The following ZC3H11A variants were observed in gnomAD, a reference collection of about 807,000 sequenced individuals.
The protein encoded by ZC3H11A is zinc finger CCCH-type containing 11A, also known as zinc finger CCCH domain-containing protein 11A.
ZC3H11A carries 22 observed loss-of-function variants against 90.8 expected under a neutral mutation model. The ratio of observed to expected loss-of-function variants is 0.24; its 90% CI spans 0.17 to 0.35. The LOEUF is 0.35. Among genes scored for constraint, ZC3H11A ranks in the 10% least tolerant of loss-of-function variants. The pLI, the probability that ZC3H11A is intolerant of heterozygous loss-of-function variation, is 1.00. For missense variants in ZC3H11A, 701 were observed against 964.9 expected, an observed-to-expected ratio of 0.73 and a Z score of 3.62; for synonymous variants, 294 against 339.8, an observed-to-expected ratio of 0.87 and a Z score of 1.48.
rs552624692 is a variant in ZC3H11A at position 203,835,949 on chromosome 1, A to G, written c.875-2017A>G. On this transcript the variant is annotated intron_variant, in intron 10 of 17. Coordinates refer to ENST00000367210, the MANE Select transcript of ZC3H11A (RefSeq NM_001376342.1). ...GAAGTCCTGTTCCCAGGAGGCCTCC[A>G]CAGGATCCAAGATGGTGGGGAGAGC... is the stretch of plus-strand genomic sequence containing the variant. 21 of 180,994 alleles carry G rather than the reference A, an allele frequency of 1.2e-4. No homozygotes were observed. The South Asian group carries it at 2.6e-3, about 22-fold the overall frequency. The allele number at this position is 180,994 out of a possible 1,614,324, so 11.2% of individuals were successfully genotyped here.
intron 4 of ZC3H11A, among the ~76,000 whole-genome samples, chr1:203,824,691 G>C (rs893428440): frequency 6.6e-6 from 1 of 152,138 alleles, no homozygotes; most frequent in Non-Finnish European, 1.5e-5. Context: ...CTTTTGGTTG[G>C]TGGTGGTGCT....
intron 12 of ZC3H11A, among the ~76,000 whole-genome samples, chr1:203,844,149 G>A (rs902584303): frequency 2.6e-5 from 4 of 151,382 alleles, no homozygotes; most frequent in East Asian, 2.0e-4. Flanking sequence ...GAGCCACTGT[G>A]CCCGCCTTTA....
intron 4 of ZC3H11A, among the ~76,000 whole-genome samples, chr1:203,823,309 TAG>T (rs1278465699): frequency 6.6e-6 from 1 of 152,044 alleles, no homozygotes; most frequent in Admixed American, 6.6e-5. Context: ...CCACTCCCTT[TAG>T]GGGTGACACA....
At chr1:203,848,294 A>C in intron 13 of ZC3H11A, 37 bp from the exon 14 acceptor site, 1 of 1,556,184 alleles carries the variant, frequency 6.4e-7, no homozygotes, top group Non-Finnish European at 8.8e-7. Context: ...TTGCAGCTTA[A>C]ATAAAATAAC....
At chr1:203,846,517 A>G (rs1401949373) in intron 12 of ZC3H11A, among the ~76,000 whole-genome samples, 1 of 152,140 alleles carries the variant, frequency 6.6e-6, no homozygotes, top group Non-Finnish European at 1.5e-5. Context: ...CATTATACCT[A>G]CCTTATCAAA....
intron 3 of ZC3H11A, among the ~76,000 whole-genome samples, chr1:203,817,504 C>T (rs1676748205): frequency 6.7e-6 from 1 of 150,214 alleles, no homozygotes; most frequent in African/African-American, 2.4e-5. Flanking sequence ...GTTGTACTTC[C>T]AGAAACTGTC....
At chr1:203,796,124 G>T (rs967425767) in intron 1 of ZC3H11A, 6 of 223,564 alleles carry the variant, frequency 2.7e-5, no homozygotes, top group Admixed American at 5.9e-5. Flanking sequence ...ATCTCGAGGA[G>T]CCCGGAGCAG....
rs1286329898 is a variant in ZC3H11A at position 203,844,242 on chromosome 1, A to G, written c.1043-2942A>G. ...AGTGGCGTGATCTCAGCTCACTGCA[A>G]CCTCTGCCTCCCAGGTTAAAGCGAT... On this transcript the variant is annotated intron_variant, in intron 12 of 17. Transcript: ENST00000367210. Among the ~76,000 whole-genome samples, 194 of 152,106 alleles carry G rather than the reference A, an allele frequency of 1.3e-3. 1 individual carries two copies. Among genetic ancestry groups the G allele is most frequent in the Non-Finnish European group, 2.9e-5 (2 of 67,984 alleles).
chr1:203,833,165 C>T (rs947245348), intron 9 of ZC3H11A, among the ~76,000 whole-genome samples: 3 of 152,040 alleles, frequency 2.0e-5, no homozygotes, highest in African/African-American at 4.8e-5. Context: ...GTCAGAAATT[C>T]GAGACCAGCC....
intron 10 of ZC3H11A, 51 bp downstream of exon 10, chr1:203,833,904 A>G (rs757363007): frequency 6.4e-7 from 1 of 1,563,028 alleles, no homozygotes; most frequent in Admixed American, 1.9e-5. Context: ...TTGTGCATTA[A>G]CATGATAGCT....
rs59254922 is a variant in ZC3H11A at position 203,815,216 on chromosome 1, C to CTTTTTTTTTTTTTTTTT, written c.-145-1694_-145-1693insTTTTTTTTTTTTTTTTT. On this transcript the variant is annotated intron_variant, in intron 2 of 17. Coordinates refer to ENST00000367210, the MANE Select transcript of ZC3H11A (RefSeq NM_001376342.1). ...TTCATTATTTTCTTCCTTTTCTTTT[C>CTTTTTTTTTTTTTTTTT]TTTTTTTTTTTTTTTTGAGACAGTG... Among the ~76,000 whole-genome samples, 107 of 97,134 alleles carry CTTTTTTTTTTTTTTTTT rather than the reference C, an allele frequency of 1.1e-3. 6 individuals carry two copies. The highest frequency in any genetic ancestry group is 2.1e-3 in the East Asian group (7 of 3,308). 63.7% of individuals were successfully genotyped at this position (97,134 alleles called of 152,430 possible).
chr1:203,848,173 A>G (rs1385339690), intron 13 of ZC3H11A, among the ~76,000 whole-genome samples, 158 bp from the exon 14 acceptor site: 1 of 152,022 alleles, frequency 6.6e-6, no homozygotes, highest in Non-Finnish European at 1.5e-5. Flanking sequence ...TTGCTATTTT[A>G]ATGTGTATTT....
rs1668865488 is a variant in ZC3H11A, at chr1:203,797,280, T to C, written c.-1588+1486T>C. 5 of 331,324 alleles carry C rather than the reference T, an allele frequency of 1.5e-5. No individual in the cohort carries two copies. In the East Asian group the frequency reaches 2.8e-4, roughly 19 times the overall value. 20.5% of individuals were successfully genotyped at this position (331,324 alleles called of 1,614,324 possible). A position where few individuals can be genotyped will look rare whatever the true frequency, so the allele number is the denominator to read the frequency against. ...ACATGAGGACACTGGACTATTTGAA[T>C]TCAGAACTTAGAAAATTGGAAGGGA... On this transcript the variant is annotated intron_variant, in intron 1 of 17. Transcript: ENST00000367210.
chr1:203,849,608 A>G, intron 14 of ZC3H11A, 103 bp from the exon 15 acceptor site: 1 of 1,089,346 alleles, frequency 9.2e-7, no homozygotes, highest in South Asian at 1.5e-5. Flanking sequence ...CAGATTCTGG[A>G]TCATGTGAGA....
intron 12 of ZC3H11A, among the ~76,000 whole-genome samples, chr1:203,846,826 G>C (rs1371218745): frequency 1.3e-5 from 2 of 152,074 alleles, no homozygotes; most frequent in Non-Finnish European, 2.9e-5. Flanking sequence ...CCTGGAACTT[G>C]CAGTAATCTA....
Position 203,843,815 on chromosome 1 carries a change from T to C in ZC3H11A, c.1043-3369T>C, listed in dbSNP as rs146257970. 2.6e-3 allele frequency among the ~76,000 whole-genome samples: 391 copies of C among 152,300 alleles called. 4 individuals carry two copies. Among genetic ancestry groups the C allele is most frequent in the Middle Eastern group, 0.01 (3 of 294 alleles). ...CTTGGTGTTTTTATTTTTCAAGAAC[T>C]TTCTTTGTTCTCTTATTTTTTTTTC... On this transcript the variant is annotated intron_variant, in intron 12 of 17. Coordinates refer to ENST00000367210, the MANE Select transcript of ZC3H11A (RefSeq NM_001376342.1).
At chr1:203,815,306 C>G (rs140895203) in intron 2 of ZC3H11A, among the ~76,000 whole-genome samples, 6,322 of 142,182 alleles carry the variant, frequency 0.044, 546 homozygotes, top group East Asian at 0.4. Flanking sequence ...CCTCTGCCTC[C>G]TGGGTTCAAG....
intron 9 of ZC3H11A, among the ~76,000 whole-genome samples, chr1:203,833,539 AAATAAT>A (rs528391252): frequency 6.0e-4 from 91 of 151,568 alleles, no homozygotes; most frequent in Middle Eastern, 3.4e-3. Context: ...ATTATTATCA[AAATAAT>A]AATAATAATT....
chr1:203,849,726 A>T lies in ZC3H11A; in HGVS notation c.1639A>T (p.Thr547Ser). The stretch of plus-strand genomic sequence containing the variant: ...TTATCCACAGGCTTCAGGTGAGACC[A>T]CAGGAGTTGACATCACTAAAATTCA... ...TEAKEASGETTGVDITKIQVK... is the reference protein window; with the variant it reads ...TEAKEASGETSGVDITKIQVK... The change falls in exon 15 of 18, where the codon ACA (threonine) becomes TCA (serine). Residue 547 changes from threonine (T) to serine (S), a missense_variant. This residue lies in a region of ZC3H11A where 530 missense variants were observed against 696.2 expected (regional missense o/e 0.76). Transcript: ENST00000367210. 2 of 1,613,990 alleles carry T rather than the reference A, an allele frequency of 1.2e-6. No homozygotes were observed. Among genetic ancestry groups the T allele is most frequent in the Non-Finnish European group, 1.7e-6 (2 of 1,179,872 alleles).
Sources: gnomAD v4.1 joint callset for allele counts (sites outside exome capture counted in the v4.1 genomes callset) on GRCh38, gnomAD v4.1.1 for gene constraint, gnomAD v4.1.1 regional missense constraint, MANE v1.5 for transcripts, NCBI Gene and HGNC (gene_info 2026-07-23, HGNC 2026-07-21) for gene names.